Variants in ROBO1 observed in about 807,000 individuals in gnomAD.
The protein encoded by ROBO1 is roundabout homolog 1.
In ROBO1, 149 loss-of-function variants were observed where a neutral mutation model predicts 195.9. The ratio of observed to expected loss-of-function variants is 0.76; its 90% confidence interval spans 0.67 to 0.87. ROBO1 has a LOEUF of 0.87. Ranked by LOEUF, ROBO1 falls within the 40% of genes least tolerant of loss-of-function variation. The pLI is 0.00. For synonymous variants in ROBO1, 816 were observed against 733.2 expected (o/e 1.11, Z -1.82); for missense variants, 1,933 against 2,068.3 (o/e 0.93, Z 1.27).
intron 2 of ROBO1, among the ~76,000 whole-genome samples, chr3:79,199,192 T>C (rs901990954): frequency 6.6e-6 from 1 of 151,548 alleles, no homozygotes; most frequent in East Asian, 1.9e-4. Context: ...GAATGGCTTA[T>C]AAAAAATCCA....
chr3:79,011,799 T>C (rs2077785974), intron 3 of ROBO1, among the ~76,000 whole-genome samples: 1 of 151,998 alleles, frequency 6.6e-6, no homozygotes, highest in Non-Finnish European at 1.5e-5. Flanking sequence ...TTATGCTCAT[T>C]GAAATTGTAA....
intron 3 of ROBO1, among the ~76,000 whole-genome samples, chr3:79,080,115 A>G (rs1453286826): frequency 6.6e-6 from 1 of 151,636 alleles, no homozygotes; most frequent in African/African-American, 2.4e-5. Flanking sequence ...GATACTAAGT[A>G]CATGTTTAAA....
At chr3:79,193,581 CTTTTTTTTTTT>C (rs869203963) in intron 2 of ROBO1, among the ~76,000 whole-genome samples, 7 of 85,626 alleles carry the variant, frequency 8.2e-5, no homozygotes, top group African/African-American at 1.8e-4. Flanking sequence ...TGTGGTTTTG[CTTTTTTTTTTT>C]TTTTTTTTTT....
intron 2 of ROBO1, among the ~76,000 whole-genome samples, chr3:79,152,101 A>T (rs1301208045): frequency 6.6e-6 from 1 of 151,852 alleles, no homozygotes; most frequent in African/African-American, 2.4e-5. Context: ...CATTAAAAAA[A>T]TTCCGATTAT....
At chr3:79,523,472 C>CTTTTTTTTTT (rs11357932) in intron 2 of ROBO1, among the ~76,000 whole-genome samples, 9 of 100,388 alleles carry the variant, frequency 9.0e-5, no homozygotes, top group Non-Finnish European at 1.3e-4. Flanking sequence ...TTTTTTTTTT[C>CTTTTTTTTTT]TTTTTTTTTT....
chr3:79,153,003 G>A (rs1312950745), intron 2 of ROBO1, among the ~76,000 whole-genome samples: 1 of 151,742 alleles, frequency 6.6e-6, no homozygotes, highest in East Asian at 1.9e-4. Context: ...AAGGTCAAAT[G>A]ATGTAGAACC....
At chr3:78,678,737 A>C (rs908568700) in intron 10 of ROBO1, among the ~76,000 whole-genome samples, 1 of 152,198 alleles carries the variant, frequency 6.6e-6, no homozygotes, top group African/African-American at 2.4e-5. Flanking sequence ...GCCGAATTCT[A>C]CCAGAGGTAC....
chr3:79,019,409 C>T, intron 3 of ROBO1: 1 of 986,078 alleles, frequency 1.0e-6, no homozygotes, highest in Middle Eastern at 5.2e-4. Context: ...CCTCCCGGAT[C>T]AGCGGCGTCT....
intron 4 of ROBO1, among the ~76,000 whole-genome samples, chr3:78,842,115 T>C (rs992635459): frequency 6.9e-6 from 1 of 144,778 alleles, no homozygotes; most frequent in Non-Finnish European, 1.5e-5. Context: ...GCAGATAAAA[T>C]GGTTCAGAAT....
At chr3:79,228,312 T>C (rs77662081) in intron 2 of ROBO1, among the ~76,000 whole-genome samples, 7 of 152,272 alleles carry the variant, frequency 4.6e-5, no homozygotes, top group East Asian at 1.9e-4. Flanking sequence ...GAAGGGTCAA[T>C]TGAGGTTCCA....
chr3:79,057,332 T>G (rs969341916), intron 3 of ROBO1, among the ~76,000 whole-genome samples: 1 of 152,062 alleles, frequency 6.6e-6, no homozygotes, highest in Non-Finnish European at 1.5e-5. Flanking sequence ...AGGATATGTT[T>G]ATGTTTCACC....
chr3:79,112,737 T>A (rs2079909989), intron 3 of ROBO1, among the ~76,000 whole-genome samples: 1 of 137,488 alleles, frequency 7.3e-6, no homozygotes, highest in South Asian at 2.6e-4. Flanking sequence ...AAGGGGAACA[T>A]CACACACCCA....
chr3:79,567,822 T>A (rs1013672367), intron 2 of ROBO1, among the ~76,000 whole-genome samples: 2 of 152,148 alleles, frequency 1.3e-5, no homozygotes. Flanking sequence ...TATAAATTTG[T>A]GAGAACTTAT....
At chr3:79,573,238 G>C (rs910114604) in intron 2 of ROBO1, among the ~76,000 whole-genome samples, 2 of 152,054 alleles carry the variant, frequency 1.3e-5, no homozygotes, top group African/African-American at 4.8e-5. Flanking sequence ...TTGTAGAGAT[G>C]AGAAACCCTA....
chr3:79,302,731 T>C (rs1186355400), intron 2 of ROBO1, among the ~76,000 whole-genome samples: 1 of 152,188 alleles, frequency 6.6e-6, no homozygotes, highest in Non-Finnish European at 1.5e-5. Flanking sequence ...TGTGTAATTA[T>C]GTATAATGGA....
intron 5 of ROBO1, among the ~76,000 whole-genome samples, chr3:78,737,731 GT>G (rs1183657609): frequency 2.0e-5 from 3 of 152,120 alleles, no homozygotes; most frequent in Non-Finnish European, 4.4e-5. Flanking sequence ...TTATTTTTAA[GT>G]CATTTATTCA....
At chr3:78,995,542 C>T (rs1465049867) in intron 3 of ROBO1, among the ~76,000 whole-genome samples, 1 of 152,026 alleles carries the variant, frequency 6.6e-6, no homozygotes, top group Non-Finnish European at 1.5e-5. Flanking sequence ...TAATCTTTTC[C>T]GTTTTTAAAG....
chr3:79,435,627 G>A (rs1398959724), intron 2 of ROBO1, among the ~76,000 whole-genome samples: 1 of 152,134 alleles, frequency 6.6e-6, no homozygotes, highest in Non-Finnish European at 1.5e-5. Context: ...TGAGATTCCT[G>A]TAGGAACCAC....
chr3:79,374,817 A>C (rs1029973249), intron 2 of ROBO1, among the ~76,000 whole-genome samples: 19 of 145,178 alleles, frequency 1.3e-4, no homozygotes, highest in Non-Finnish European at 2.7e-4. Context: ...ACTAAGTTGG[A>C]ATAATAGTTG....
Sources: gnomAD v4.1 joint callset for allele counts (sites outside exome capture counted in the v4.1 genomes callset) on GRCh38, gnomAD v4.1.1 for gene constraint, MANE v1.5 for transcripts, NCBI Gene and HGNC (gene_info 2026-07-23, HGNC 2026-07-21) for gene names.